The following TRIO variants were observed in gnomAD, a reference collection of about 807,000 sequenced individuals.
The protein encoded by TRIO is trio Rho guanine nucleotide exchange factor.
Under a neutral mutation model 351.9 loss-of-function variants are expected in TRIO, and 58 were observed. That is an observed-to-expected ratio of 0.16 (90% CI 0.13 to 0.21). TRIO has a LOEUF of 0.21. Among genes scored for constraint, TRIO ranks in the 10% least tolerant of loss-of-function variants. The pLI is 1.00. For synonymous variants in TRIO, 1,758 were observed against 1,595.7 expected (o/e 1.10, Z -2.42); for missense variants, 3,201 against 4,027.8 (o/e 0.79, Z 5.56).
At chr5:14,282,264 C>T (rs1043125505) in intron 3 of TRIO, among the ~76,000 whole-genome samples, 1 of 151,900 alleles carries the variant, frequency 6.6e-6, no homozygotes, top group Non-Finnish European at 1.5e-5. Flanking sequence ...AGAGTGTAAA[C>T]TACTACTTAC....
rs993960642 is a variant in TRIO at position 14,408,872 on chromosome 5, TA to T, written c.4959+2212del. The stretch of plus-strand genomic sequence containing the variant: ...TGAGTTCAAAAGTTTATTCTTTTTT[TA>T]AAAAAAAAAAAGTAAATTTTTTGAA... On this transcript the variant is annotated intron_variant, in intron 33 of 56. Coordinates refer to ENST00000344204, the MANE Select transcript of TRIO (RefSeq NM_007118.4). Among the ~76,000 whole-genome samples the T allele has an allele frequency of 8.8e-4, 130 of 146,944 alleles. No individual in the cohort carries two copies. The South Asian group carries it at 9.1e-3, about 10-fold the overall frequency.
chr5:14,176,905 T>C (rs1001150674), intron 1 of TRIO, among the ~76,000 whole-genome samples: 1 of 152,248 alleles, frequency 6.6e-6, no homozygotes, highest in Non-Finnish European at 1.5e-5. Flanking sequence ...TTATGGCCAT[T>C]AAATATTTTA....
intron 1 of TRIO, among the ~76,000 whole-genome samples, chr5:14,241,312 A>G (rs372023406): frequency 6.6e-6 from 1 of 152,216 alleles, no homozygotes; most frequent in Non-Finnish European, 1.5e-5. Flanking sequence ...CATAATAGGA[A>G]ATTGAATGAC....
rs201793588 is a variant in TRIO at position 14,497,026 on chromosome 5, G to T, written c.8019+9G>T. ...ACAAGGTATCTGTGAAGGTGTGTTC[G>T]GGGGTCTTCAGGAGTCCGTGTCATC... is the stretch of plus-strand genomic sequence containing the variant. On this transcript the variant is annotated intron_variant, in intron 50 of 56. Transcript: ENST00000344204. The surrounding 1 kb of genome is among the most constrained non-coding windows in gnomAD (Gnocchi z 4.4). The T allele has an allele frequency of 6.2e-7, 1 of 1,613,438 alleles. No homozygotes were observed. The highest frequency in any genetic ancestry group is 1.1e-5 in the South Asian group (1 of 91,038).
intron 9 of TRIO, among the ~76,000 whole-genome samples, chr5:14,322,859 T>G (rs1740010850): frequency 6.6e-6 from 1 of 152,120 alleles, no homozygotes; most frequent in Non-Finnish European, 1.5e-5. Context: ...AATTAGGGAG[T>G]GCTGAGTGGA....
intron 1 of TRIO, among the ~76,000 whole-genome samples, chr5:14,233,348 G>A (rs547640126): frequency 2.5e-4 from 36 of 141,970 alleles, no homozygotes; most frequent in African/African-American, 6.0e-4. Context: ...AAATTAGCCC[G>A]GTGTGGTGGT....
intron 8 of TRIO, among the ~76,000 whole-genome samples, chr5:14,311,097 G>A (rs778482318): frequency 1.1e-4 from 16 of 152,214 alleles, no homozygotes; most frequent in Non-Finnish European, 2.1e-4. Flanking sequence ...CAGCCCATAT[G>A]ACAGCTGTCT....
At chr5:14,323,700 A>G (rs1481870412) in intron 9 of TRIO, among the ~76,000 whole-genome samples, 1 of 152,178 alleles carries the variant, frequency 6.6e-6, no homozygotes, top group East Asian at 1.9e-4. Context: ...CCTCCGTGGG[A>G]GAGGGAAAAA....
chr5:14,350,049 C>T (rs1174100620), intron 11 of TRIO, among the ~76,000 whole-genome samples: 1 of 152,144 alleles, frequency 6.6e-6, no homozygotes, highest in African/African-American at 2.4e-5. Flanking sequence ...TTGCAAAGGA[C>T]ACGATCTTTC....
At chr5:14,160,499 A>G (rs987450288) in intron 1 of TRIO, among the ~76,000 whole-genome samples, 7 of 152,224 alleles carry the variant, frequency 4.6e-5, no homozygotes, top group Admixed American at 6.5e-5. Context: ...GCTGGAGAAG[A>G]CAAAAATAAT....
chr5:14,261,914 C>G (rs1795371294), intron 1 of TRIO, among the ~76,000 whole-genome samples: 2 of 152,334 alleles, frequency 1.3e-5, no homozygotes, highest in South Asian at 4.1e-4. Context: ...ACCAAATATA[C>G]TAGACAGAGA....
chr5:14,456,373 G>C (rs1579708465), intron 34 of TRIO, among the ~76,000 whole-genome samples: 1 of 152,262 alleles, frequency 6.6e-6, no homozygotes, highest in East Asian at 1.9e-4. Context: ...AGCAGAAGTG[G>C]AGGTGGTGCT....
At chr5:14,306,002 T>G (rs1369113542) in intron 8 of TRIO, among the ~76,000 whole-genome samples, 1 of 152,250 alleles carries the variant, frequency 6.6e-6, no homozygotes, top group Non-Finnish European at 1.5e-5. Flanking sequence ...AGCCTAGGTG[T>G]GCAGTAGGCT....
chr5:14,285,666 T>G (rs1736380014), intron 3 of TRIO, among the ~76,000 whole-genome samples: 1 of 152,222 alleles, frequency 6.6e-6, no homozygotes, highest in Non-Finnish European at 1.5e-5. Context: ...GTTTTTAATT[T>G]AGACTAGTTT....
chr5:14,306,881 A>G (rs539458509), intron 8 of TRIO, among the ~76,000 whole-genome samples: 2 of 152,304 alleles, frequency 1.3e-5, no homozygotes, highest in African/African-American at 4.8e-5. Flanking sequence ...TACCTGTGGT[A>G]TAGTTTTATT....
intron 47 of TRIO, among the ~76,000 whole-genome samples, chr5:14,486,409 G>T (rs1755919484): frequency 6.6e-6 from 1 of 152,148 alleles, no homozygotes; most frequent in South Asian, 2.1e-4. Flanking sequence ...GTGCTGCCTG[G>T]GTGTTAACTC....
At chr5:14,254,614 C>T (rs187316801) in intron 1 of TRIO, among the ~76,000 whole-genome samples, 51 of 152,238 alleles carry the variant, frequency 3.4e-4, no homozygotes, top group Admixed American at 1.2e-3. Flanking sequence ...TGTTCTCCCG[C>T]GAGAAAGGCA....
rs755179110 is a variant in TRIO, at chr5:14,488,178, C to A, written c.7550C>A (p.Ala2517Glu). 5 of 1,601,324 alleles carry A rather than the reference C, an allele frequency of 3.1e-6. No individual in the cohort carries two copies. The highest frequency in any genetic ancestry group is 1.7e-5 in the Admixed American group (1 of 59,832). The change falls in exon 48 of 57, where the codon GCG (alanine) becomes GAG (glutamate). Residue 2517 changes from alanine to glutamate, a missense_variant. Ala to Glu is a moderately radical substitution (Grantham distance 107). Around this residue, in one of 19 missense-constraint regions of TRIO, gnomAD observed 1,089 missense variants for 954.9 expected, o/e 1.14. Transcript: ENST00000344204. ...CTCCAGCGGCAGACACCCCGCCACG[C>A]GGCCCCTGGCAAGGATACTGACCGC... ...DSLQRQTPRH[A>E]APGKDTDRMS...
intron 36 of TRIO, 31 bp downstream of exon 36, chr5:14,462,956 G>A (rs751339859): frequency 6.5e-7 from 1 of 1,532,510 alleles, no homozygotes; most frequent in Non-Finnish European, 8.7e-7. Flanking sequence ...GGGAATCCAT[G>A]CCTGCCGTGC....
Sources: gnomAD v4.1 joint callset for allele counts (sites outside exome capture counted in the v4.1 genomes callset) on GRCh38, gnomAD v4.1.1 for gene constraint, gnomAD v4.1.1 regional missense constraint, Gnocchi (gnomAD v3.1) non-coding constraint, MANE v1.5 for transcripts, NCBI Gene and HGNC (gene_info 2026-07-23, HGNC 2026-07-21) for gene names.